The following EGFR variants were observed in gnomAD, a reference collection of about 807,000 sequenced individuals.
EGFR encodes avian erythroblastic leukemia viral (v-erb-b) oncogene homolog.
EGFR carries 58 observed loss-of-function variants against 143.0 expected under a neutral mutation model. That is an observed-to-expected ratio of 0.41 (90% CI 0.33 to 0.50). EGFR has a LOEUF of 0.50. EGFR is among the 20% of genes least tolerant of loss of function. The pLI, the probability that EGFR is intolerant of heterozygous loss-of-function variation, is 0.39. For synonymous variants in EGFR, 613 were observed against 594.4 expected (o/e 1.03, Z -0.45); for missense variants, 1,307 against 1,579.0 (o/e 0.83, Z 2.92).
chr7:55,057,293 C>T (rs1788886849), intron 1 of EGFR, among the ~76,000 whole-genome samples: 1 of 152,216 alleles, frequency 6.6e-6, no homozygotes, highest in African/African-American at 2.4e-5. Context: ...TTGGGACGGG[C>T]AGTTGTGAGT....
intron 1 of EGFR, among the ~76,000 whole-genome samples, chr7:55,123,903 G>A (rs1793364864): frequency 6.6e-6 from 1 of 152,158 alleles, no homozygotes; most frequent in Admixed American, 6.5e-5. Context: ...GTGTGTGCAT[G>A]TGTGTGCAAG....
chr7:55,099,367 C>A (rs1366584036), intron 1 of EGFR, among the ~76,000 whole-genome samples: 1 of 152,172 alleles, frequency 6.6e-6, no homozygotes, highest in Non-Finnish European at 1.5e-5. Flanking sequence ...CTTTTTAATG[C>A]CACATTCTTT....
intron 1 of EGFR, among the ~76,000 whole-genome samples, chr7:55,120,031 C>T (rs1484094313): frequency 6.6e-6 from 1 of 152,264 alleles, no homozygotes; most frequent in Non-Finnish European, 1.5e-5. Flanking sequence ...AGTATGCTGA[C>T]TGGGTAGCCA....
intron 1 of EGFR, among the ~76,000 whole-genome samples, chr7:55,094,462 G>A (rs1791322285): frequency 2.0e-5 from 3 of 152,218 alleles, no homozygotes. Context: ...GTTTTCAAGG[G>A]CCTAAGATGT....
chr7:55,075,299 G>C (rs77131530), intron 1 of EGFR, among the ~76,000 whole-genome samples: 2,740 of 152,244 alleles, frequency 0.018, 42 homozygotes, highest in Middle Eastern at 0.065. Context: ...CTCCACACCG[G>C]TGGCCACTTT....
At position 55,151,315 on chromosome 7, in the gene EGFR, G is replaced by C. The variant is rs2128932504; in HGVS notation, c.581G>C (p.Cys194Ser). The C allele has an allele frequency of 6.2e-7, 1 of 1,614,188 alleles. No individual in the cohort carries two copies. The highest frequency in any genetic ancestry group is 8.5e-7 in the Non-Finnish European group (1 of 1,180,022). Residue 194 changes from cysteine to serine, a missense_variant, in exon 5 of 28, where the codon TGT (cysteine) becomes TCT (serine). Cys to Ser is a moderately radical substitution (Grantham distance 112). Transcript: ENST00000275493. ...LGSCQKCDPS[C>S]PNGSCWGAGE... Reference sequence around the variant, plus strand: ...TCAGGCCAAAAGTGTGATCCAAGCTGTCCCAATGGGAGCTGCTGGGGTGCA... The same window carrying C: ...TCAGGCCAAAAGTGTGATCCAAGCTCTCCCAATGGGAGCTGCTGGGGTGCA...
At chr7:55,112,041 C>T (rs1156688902) in intron 1 of EGFR, among the ~76,000 whole-genome samples, 43 of 152,078 alleles carry the variant, frequency 2.8e-4, no homozygotes, top group African/African-American at 9.4e-4. Context: ...GTGACTGAGG[C>T]AGACACCTGG....
intron 1 of EGFR, among the ~76,000 whole-genome samples, chr7:55,063,933 C>A (rs908719375): frequency 6.6e-6 from 1 of 152,146 alleles, no homozygotes; most frequent in Non-Finnish European, 1.5e-5. Flanking sequence ...CTCTTCTTGG[C>A]TTCTCATCTC....
chr7:55,069,305 G>A (rs1224294819), intron 1 of EGFR, among the ~76,000 whole-genome samples: 2 of 152,138 alleles, frequency 1.3e-5, no homozygotes, highest in African/African-American at 2.4e-5. Flanking sequence ...AAAATGAGTC[G>A]TTGATGATCC....
intron 22 of EGFR, among the ~76,000 whole-genome samples, chr7:55,196,637 G>T (rs1787630500): frequency 1.3e-5 from 2 of 152,060 alleles, no homozygotes; most frequent in Non-Finnish European, 2.9e-5. Flanking sequence ...GTCTTCCAGG[G>T]TTTTTATAGT....
intron 26 of EGFR, among the ~76,000 whole-genome samples, 169 bp from the exon 27 acceptor site, chr7:55,202,348 C>T (rs1211975759): frequency 6.6e-6 from 1 of 152,224 alleles, no homozygotes; most frequent in East Asian, 1.9e-4. Flanking sequence ...TGCTGCCCAC[C>T]CTGCAGCCTG....
At chr7:55,073,341 A>G (rs1789941868) in intron 1 of EGFR, among the ~76,000 whole-genome samples, 1 of 152,142 alleles carries the variant, frequency 6.6e-6, no homozygotes, top group Non-Finnish European at 1.5e-5. Context: ...TGAGTGTAGG[A>G]CCTTCCCAGG....
At chr7:55,138,045 ATAT>A (rs1179757148) in intron 1 of EGFR, among the ~76,000 whole-genome samples, 1 of 152,224 alleles carries the variant, frequency 6.6e-6, no homozygotes, top group African/African-American at 2.4e-5. Context: ...AAGTATAGTG[ATAT>A]CTCTACTTTA....
At chr7:55,167,474 A>G (rs1224688774) in intron 15 of EGFR, among the ~76,000 whole-genome samples, 4 of 61,294 alleles carry the variant, frequency 6.5e-5, no homozygotes, top group Non-Finnish European at 6.4e-5. Context: ...TGATGGTGTT[A>G]CTGGTGGTGA....
intron 15 of EGFR, 94 bp downstream of exon 15, chr7:55,165,531 G>A: frequency 1.3e-6 from 2 of 1,497,210 alleles, no homozygotes; most frequent in South Asian, 2.7e-5. Context: ...AAATTGCCGA[G>A]GTTTGTATTT....
chr7:55,129,721 T>G (rs1196251179), intron 1 of EGFR, among the ~76,000 whole-genome samples: 1 of 152,228 alleles, frequency 6.6e-6, no homozygotes. Context: ...TGTATCTTAC[T>G]TCAATTCCTT....
chr7:55,133,685 C>T lies in EGFR; in HGVS notation c.89-8601C>T, dbSNP rs146228900. On this transcript the variant is annotated intron_variant, in intron 1 of 27. Coordinates refer to ENST00000275493, the MANE Select transcript of EGFR (RefSeq NM_005228.5). ...ACCCCGGGTTCTGTGGTGCTGTCGG[C>T]TCCCCAGCGAGCCAGGAAGGGAGAG... 3.7e-3 allele frequency among the ~76,000 whole-genome samples: 560 copies of T among 152,338 alleles called. 3 individuals are homozygous for T. The highest frequency in any genetic ancestry group is 0.013 in the African/African-American group (527 of 41,588).
Position 55,062,843 on chromosome 7 carries a change from C to A in EGFR, c.88+43478C>A, listed in dbSNP as rs142171087. 2.0e-5 allele frequency among the ~76,000 whole-genome samples: 3 copies of A among 152,130 alleles called. No individual in the cohort carries two copies. In the East Asian group the frequency reaches 5.8e-4, roughly 29 times the overall value. ...TGCTTTTAATACAAAGTTTGTGCAGCCCTTGCTGCTCATACGAGATGAATC... is the reference window on the plus strand; with the variant it reads ...TGCTTTTAATACAAAGTTTGTGCAGACCTTGCTGCTCATACGAGATGAATC... On this transcript the variant is annotated intron_variant, in intron 1 of 27. Coordinates refer to ENST00000275493, the MANE Select transcript of EGFR (RefSeq NM_005228.5).
intron 1 of EGFR, among the ~76,000 whole-genome samples, chr7:55,091,425 G>A (rs1373929742): frequency 6.6e-6 from 1 of 152,238 alleles, no homozygotes. Context: ...GGGAATGAGA[G>A]GCGAAGCCAT....
Sources: gnomAD v4.1 joint callset for allele counts (sites outside exome capture counted in the v4.1 genomes callset) on GRCh38, gnomAD v4.1.1 for gene constraint, MANE v1.5 for transcripts, NCBI Gene and HGNC (gene_info 2026-07-23, HGNC 2026-07-21) for gene names.